The following PARVA variants were observed in gnomAD, a reference collection of about 807,000 sequenced individuals.
PARVA encodes the protein alpha-parvin.
Under a neutral mutation model 52.6 loss-of-function variants are expected in PARVA, and 25 were observed. The ratio of observed to expected loss-of-function variants is 0.48; its 90% confidence interval spans 0.35 to 0.66. The LOEUF (loss-of-function observed/expected upper bound fraction) is 0.66, where lower values mean the gene tolerates loss of function less well. Ranked by LOEUF, PARVA falls within the 30% of genes least tolerant of loss-of-function variation. The pLI, the probability that PARVA is intolerant of heterozygous loss-of-function variation, is 0.01. For synonymous variants in PARVA, 185 were observed against 179.1 expected (o/e 1.03, Z -0.26); for missense variants, 373 against 450.9 (o/e 0.83, Z 1.56).
intron 1 of PARVA, among the ~76,000 whole-genome samples, chr11:12,447,111 T>C (rs557886579): frequency 3.5e-4 from 54 of 152,334 alleles, no homozygotes; most frequent in African/African-American, 1.2e-3. Flanking sequence ...AACCCTGTAA[T>C]GTAGCAGTTT....
rs146700844 is a variant in PARVA, at chr11:12,453,307, G to A, written c.137-20438G>A. On this transcript the variant is annotated intron_variant, in intron 1 of 12. Transcript: ENST00000334956. ...AAAGAAATGAAGGAGTAAAGGACTT[G>A]CGGAAGAAAAGCTCTACCTAAGTTT... is the stretch of plus-strand genomic sequence containing the variant. Among the ~76,000 whole-genome samples, 559 of 152,226 alleles carry A rather than the reference G, an allele frequency of 3.7e-3. 3 individuals carry two copies. Among genetic ancestry groups the A allele is most frequent in the African/African-American group, 0.012 (501 of 41,548 alleles).
chr11:12,437,724 T>C (rs1940405874), intron 1 of PARVA, among the ~76,000 whole-genome samples: 2 of 152,076 alleles, frequency 1.3e-5, no homozygotes, highest in African/African-American at 2.4e-5. Flanking sequence ...AATCAGATGG[T>C]GTGGGGAATA....
intron 1 of PARVA, among the ~76,000 whole-genome samples, chr11:12,450,209 T>A (rs1940604521): frequency 6.6e-6 from 1 of 152,214 alleles, no homozygotes; most frequent in Non-Finnish European, 1.5e-5. Context: ...AGAATTTTTA[T>A]TAAGTCAAGA....
chr11:12,516,830 A>G (rs1941573825), intron 10 of PARVA, among the ~76,000 whole-genome samples: 1 of 152,206 alleles, frequency 6.6e-6, no homozygotes, highest in South Asian at 2.1e-4. Context: ...TTTTACAGAT[A>G]AGACATATGA....
chr11:12,395,149 A>G (rs546753449), intron 1 of PARVA, among the ~76,000 whole-genome samples: 43 of 151,934 alleles, frequency 2.8e-4, no homozygotes, highest in South Asian at 2.7e-3. Flanking sequence ...TGGGTTTTGC[A>G]TCTTGCAGAT....
In PARVA at chr11:12,527,902, A is replaced by G. The variant is rs1589994373; in HGVS notation, c.1096A>G (p.Thr366Ala). ...ACTACGAGTGTTGTACAACCTCTTC[A>G]CCAAGTACCGTAACGTGGAGTGAGG... The part of the protein sequence containing the change: ...STLRVLYNLF[T>A]KYRNVE Residue 366 changes from threonine (T) to alanine (A), a missense_variant, in exon 13 of 13, where the codon ACC becomes GCC. By Grantham distance (58) the Thr-to-Ala change is moderately conservative. Transcript: ENST00000334956. The G allele has an allele frequency of 6.2e-7, 1 of 1,612,950 alleles. No homozygotes were observed. Among genetic ancestry groups the G allele is most frequent in the Non-Finnish European group, 8.5e-7 (1 of 1,179,502 alleles).
intron 1 of PARVA, among the ~76,000 whole-genome samples, chr11:12,403,693 G>T (rs147741666): frequency 0.016 from 2,451 of 152,270 alleles, 64 homozygotes; most frequent in African/African-American, 0.056. Flanking sequence ...TTAAAATTTA[G>T]CTACTCAGAT....
At chr11:12,380,759 T>C (rs1216070261) in intron 1 of PARVA, among the ~76,000 whole-genome samples, 1 of 152,076 alleles carries the variant, frequency 6.6e-6, no homozygotes, top group East Asian at 1.9e-4. Context: ...TCCCTTATTC[T>C]AGCACAGACA....
intron 1 of PARVA, among the ~76,000 whole-genome samples, chr11:12,402,102 T>C (rs1939836659): frequency 6.6e-6 from 1 of 151,734 alleles, no homozygotes; most frequent in South Asian, 2.1e-4. Flanking sequence ...TTGAAGAGAG[T>C]AGTGGAGGGA....
intron 1 of PARVA, among the ~76,000 whole-genome samples, chr11:12,442,215 G>T (rs927224326): frequency 7.2e-5 from 11 of 152,218 alleles, no homozygotes; most frequent in African/African-American, 2.7e-4. Context: ...AGGACCTTTG[G>T]GCAGTGCCCG....
intron 1 of PARVA, among the ~76,000 whole-genome samples, chr11:12,456,130 G>A (rs1163776339): frequency 6.6e-6 from 1 of 152,260 alleles, no homozygotes; most frequent in Non-Finnish European, 1.5e-5. Flanking sequence ...TATTCCACTA[G>A]GTCATCACTG....
chr11:12,430,036 C>T (rs1422483061), intron 1 of PARVA, among the ~76,000 whole-genome samples: 1 of 152,142 alleles, frequency 6.6e-6, no homozygotes, highest in Non-Finnish European at 1.5e-5. Flanking sequence ...TAATCTGCAT[C>T]ATTGACATTC....
At chr11:12,430,196 T>C (rs940112220) in intron 1 of PARVA, among the ~76,000 whole-genome samples, 10 of 152,202 alleles carry the variant, frequency 6.6e-5, no homozygotes, top group Admixed American at 6.5e-4. Context: ...CAGCACACCA[T>C]TGTGTAGTAG....
At chr11:12,416,668 G>A (rs4757436) in intron 1 of PARVA, among the ~76,000 whole-genome samples, 79,475 of 151,694 alleles carry the variant, frequency 0.52, 21,504 homozygotes, top group African/African-American at 0.67. Flanking sequence ...AAAGAAGCGA[G>A]TGGAGAGAAA....
chr11:12,396,691 C>T (rs1939752043), intron 1 of PARVA, among the ~76,000 whole-genome samples: 2 of 152,228 alleles, frequency 1.3e-5, no homozygotes, highest in South Asian at 4.1e-4. Flanking sequence ...CATGGAACTT[C>T]CTCTTGTTCA....
intron 3 of PARVA, among the ~76,000 whole-genome samples, chr11:12,476,914 C>T (rs1213252625): frequency 6.6e-6 from 1 of 152,150 alleles, no homozygotes; most frequent in African/African-American, 2.4e-5. Context: ...ACGATGTCCA[C>T]TTATAAGAAA....
At chr11:12,488,885 A>G (rs1941196113) in intron 4 of PARVA, among the ~76,000 whole-genome samples, 1 of 152,228 alleles carries the variant, frequency 6.6e-6, no homozygotes, top group Non-Finnish European at 1.5e-5. Context: ...AACTCAGACC[A>G]CAAAGAACTC....
intron 1 of PARVA, among the ~76,000 whole-genome samples, chr11:12,446,662 C>T (rs1940551915): frequency 6.6e-6 from 1 of 152,124 alleles, no homozygotes; most frequent in East Asian, 1.9e-4. Flanking sequence ...TGGAGAGATA[C>T]ACTTTAAATA....
At chr11:12,426,853 T>C (rs1441362379) in intron 1 of PARVA, among the ~76,000 whole-genome samples, 1 of 152,026 alleles carries the variant, frequency 6.6e-6, no homozygotes, top group Non-Finnish European at 1.5e-5. Flanking sequence ...GCAGTCCAGG[T>C]AAGAGGCCAT....
Sources: gnomAD v4.1 joint callset for allele counts (sites outside exome capture counted in the v4.1 genomes callset) on GRCh38, gnomAD v4.1.1 for gene constraint, MANE v1.5 for transcripts, NCBI Gene and HGNC (gene_info 2026-07-23, HGNC 2026-07-21) for gene names.